PTPN18: variants seen among roughly 807,000 people sequenced by gnomAD.
PTPN18 encodes the protein tyrosine-protein phosphatase non-receptor type 18.
A neutral mutation model predicts 65.4 loss-of-function variants in PTPN18; 65 were observed. The ratio of observed to expected loss-of-function variants is 0.99; its 90% CI spans 0.81 to 1.22. PTPN18 has a LOEUF of 1.22. Ranked by LOEUF, PTPN18 falls within the 50% of genes most tolerant of loss-of-function variation. PTPN18 has a pLI of 0.00. For synonymous variants in PTPN18, 255 were observed against 267.8 expected (o/e 0.95, Z 0.47); for missense variants, 616 against 646.5 (o/e 0.95, Z 0.51).
chr2:130,366,747 C>T (rs1680397083), intron 5 of PTPN18, among the ~76,000 whole-genome samples: 1 of 152,106 alleles, frequency 6.6e-6, no homozygotes, highest in South Asian at 2.1e-4. Context: ...TTACATTTAG[C>T]CACTTACTTT....
At position 130,372,373 on chromosome 2, in the gene PTPN18, G is replaced by C; in HGVS notation, c.1130G>C (p.Gly377Ala). The C allele has an allele frequency of 7.3e-7, 1 of 1,364,910 alleles. No homozygotes were observed. The highest frequency in any genetic ancestry group is 2.7e-4 in the Middle Eastern group (1 of 3,710). 84.5% of individuals were successfully genotyped at this position (1,364,910 alleles called of 1,614,324 possible). A position where few individuals can be genotyped will look rare whatever the true frequency, so the allele number is the denominator to read the frequency against. The change falls in exon 13 of 15, where the codon GGG (glycine) becomes GCG (alanine). Residue 377 changes from glycine to alanine, a missense_variant. This residue lies in a region of PTPN18 where 368 missense variants were observed against 386.7 expected (regional missense o/e 0.95). Coordinates refer to ENST00000175756, the MANE Select transcript of PTPN18 (RefSeq NM_014369.4). ...GGGACGCAGACGGGGACGGGGACGG[G>C]GACGGGGGCGCGCAGCGCGGAGGAG... is the stretch of plus-strand genomic sequence containing the variant. ...GSGTQTGTGT[G>A]TGARSAEEAP...
rs1680690223 is a variant in PTPN18 at position 130,374,732 on chromosome 2, G to A, written c.*1508G>A. On this transcript the variant is annotated 3_prime_UTR_variant, in exon 15 of 15. Coordinates refer to ENST00000175756, the MANE Select transcript of PTPN18 (RefSeq NM_014369.4). Reference sequence around the variant, plus strand: ...TGTATGCACTGCCACAGTGCCCTGGGCCCCATGTCCACCCCTGTCCTGCCC... The same window carrying A: ...TGTATGCACTGCCACAGTGCCCTGGACCCCATGTCCACCCCTGTCCTGCCC... 2.1e-6 allele frequency: 1 copy of A among 469,792 alleles called. No homozygotes were observed. Among genetic ancestry groups the A allele is most frequent in the Non-Finnish European group, 4.4e-6 (1 of 226,982 alleles). 29.1% of individuals were successfully genotyped at this position (469,792 alleles called of 1,614,324 possible).
chr2:130,371,895 G>A, intron 12 of PTPN18: 2 of 243,722 alleles, frequency 8.2e-6, no homozygotes, highest in South Asian at 2.4e-4. Flanking sequence ...CTGCGGACAT[G>A]GGATTGAGCC....
intron 1 of PTPN18, 64 bp downstream of exon 1, chr2:130,356,264 C>G: frequency 8.5e-7 from 1 of 1,171,618 alleles, no homozygotes; most frequent in Non-Finnish European, 1.1e-6. Context: ...CGCCTGTCCT[C>G]CGCGCACGGC....
chr2:130,356,134 G>C lies in PTPN18; in HGVS notation c.27G>C (p.Arg9=). MSRSLDSA[R]SFLERLEARG... ...TGAGCCGCAGCCTGGACTCGGCGCG[G>C]AGCTTCCTGGAGCGGCTGGAAGCGC... Residue 9 remains arginine (R), a synonymous_variant, in exon 1 of 15, where the codon CGG becomes CGC. Coordinates refer to ENST00000175756, the MANE Select transcript of PTPN18 (RefSeq NM_014369.4). 1 of 1,309,836 alleles carries C rather than the reference G, an allele frequency of 7.6e-7. No homozygotes were observed. Among genetic ancestry groups the C allele is most frequent in the East Asian group, 3.1e-5 (1 of 31,880 alleles). 81.1% of individuals were successfully genotyped at this position (1,309,836 alleles called of 1,614,324 possible). A position where few individuals can be genotyped will look rare whatever the true frequency, so the allele number is the denominator to read the frequency against.
intron 5 of PTPN18, among the ~76,000 whole-genome samples, chr2:130,365,288 G>A (rs1184214762): frequency 1.3e-5 from 2 of 152,152 alleles, no homozygotes; most frequent in Non-Finnish European, 2.9e-5. Context: ...TCATTATGTG[G>A]CATATGACAA....
Position 130,373,330 on chromosome 2 carries a change from G to T in PTPN18, c.*106G>T. ...ATGGAAACAGTGGGCCTGGATCAAAGTTAAAGTTTCTCAGGGTGGGAAATG... is the reference window on the plus strand; with the variant it reads ...ATGGAAACAGTGGGCCTGGATCAAATTTAAAGTTTCTCAGGGTGGGAAATG... On this transcript the variant is annotated 3_prime_UTR_variant, in exon 15 of 15. Coordinates refer to ENST00000175756, the MANE Select transcript of PTPN18 (RefSeq NM_014369.4). The surrounding 1 kb of genome is among the most constrained non-coding windows in gnomAD (Gnocchi z 4.1). The T allele has an allele frequency of 8.4e-7, 1 of 1,192,758 alleles. No individual in the cohort carries two copies. 73.9% of individuals were successfully genotyped at this position (1,192,758 alleles called of 1,614,324 possible).
chr2:130,371,150 G>T, intron 11 of PTPN18, 49 bp from the exon 12 acceptor site: 1 of 1,508,576 alleles, frequency 6.6e-7, no homozygotes, highest in East Asian at 2.3e-5. Flanking sequence ...CCCTTGAGAG[G>T]CCTGGCCAGC....
chr2:130,370,749 G>A lies in PTPN18; in HGVS notation c.801G>A (p.Met267Ile). 4 of 1,614,230 alleles carry A rather than the reference G, an allele frequency of 2.5e-6. No homozygotes were observed. Among genetic ancestry groups the A allele is most frequent in the Non-Finnish European group, 3.4e-6 (4 of 1,180,036 alleles). Residue 267 changes from methionine (M) to isoleucine (I), a missense_variant, in exon 10 of 15, where the codon ATG becomes ATA. Around this residue, in one of 3 missense-constraint regions of PTPN18, gnomAD observed 368 missense variants for 386.7 expected, o/e 0.95. Coordinates refer to ENST00000175756, the MANE Select transcript of PTPN18 (RefSeq NM_014369.4). ...DFSLFDVVLK[M>I]RKQRPAAVQT... The stretch of plus-strand genomic sequence containing the variant: ...GTCTCTTTGATGTGGTCCTTAAGAT[G>A]AGGAAGCAGCGGCCTGCGGCCGTGC...
Position 130,371,043 on chromosome 2 carries a change from CG to C in PTPN18, c.924+82del, listed in dbSNP as rs2104951362. ...AGGACCCCGAGCAGGGTCCAGCCCC[CG>C]GGACTACTGGGAGCAGGCACTGACT... is the stretch of plus-strand genomic sequence containing the variant. On this transcript the variant is annotated intron_variant, in intron 11 of 14. Coordinates refer to ENST00000175756, the MANE Select transcript of PTPN18 (RefSeq NM_014369.4). The C allele has an allele frequency of 2.7e-6, 4 of 1,482,440 alleles. No individual in the cohort carries two copies. The South Asian group carries it at 3.6e-5, about 13-fold the overall frequency. The allele number at this position is 1,482,440 out of a possible 1,614,324, so 91.8% of individuals were successfully genotyped here.
rs10172233 is a variant in PTPN18, at chr2:130,372,758, C to T, written c.1241-115C>T. The T allele has an allele frequency of 2.0e-3, 2,562 of 1,301,806 alleles. 43 individuals are homozygous for T. The African/African-American group carries it at 0.031, about 16-fold the overall frequency. The allele number at this position is 1,301,806 out of a possible 1,614,324, so 80.6% of individuals were successfully genotyped here. ...GTCCGGGGTGTGTGCCTTCTCCCGC[C>T]CGGCGCCCTCGGCTCTCCCCTTCGG... On this transcript the variant is annotated intron_variant, in intron 13 of 14. Transcript: ENST00000175756.
At position 130,370,872 on chromosome 2, in the gene PTPN18, C is replaced by G; in HGVS notation, c.835-3C>G. On this transcript the variant is annotated splice_region_variant and splice_polypyrimidine_tract_variant and intron_variant, in intron 10 of 14. Coordinates refer to ENST00000175756, the MANE Select transcript of PTPN18 (RefSeq NM_014369.4). ...CCTTCTTGATGGTCCCTCACCCCAACAGGAGCAGTACAGGTTCCTGTACCA... is the reference window on the plus strand; with the variant it reads ...CCTTCTTGATGGTCCCTCACCCCAAGAGGAGCAGTACAGGTTCCTGTACCA... The G allele has an allele frequency of 6.2e-7, 1 of 1,614,088 alleles. No homozygotes were observed. The highest frequency in any genetic ancestry group is 2.2e-5 in the East Asian group (1 of 44,872).
chr2:130,374,722 A>G lies in PTPN18; in HGVS notation c.*1498A>G. On this transcript the variant is annotated 3_prime_UTR_variant, in exon 15 of 15. Transcript: ENST00000175756. ...CCCAGGTCCCTGTATGCACTGCCACAGTGCCCTGGGCCCCATGTCCACCCC... is the reference window on the plus strand; with the variant it reads ...CCCAGGTCCCTGTATGCACTGCCACGGTGCCCTGGGCCCCATGTCCACCCC... 2.1e-6 allele frequency: 1 copy of G among 470,414 alleles called. No homozygotes were observed. Among genetic ancestry groups the G allele is most frequent in the Non-Finnish European group, 4.4e-6 (1 of 227,036 alleles). 29.1% of individuals were successfully genotyped at this position (470,414 alleles called of 1,614,324 possible).
rs1481904333 is a variant in PTPN18 at position 130,374,115 on chromosome 2, G to A, written c.*891G>A. 1 of 152,810 alleles carries A rather than the reference G, an allele frequency of 6.5e-6. No homozygotes were observed. Among genetic ancestry groups the A allele is most frequent in the African/African-American group, 2.4e-5 (1 of 41,406 alleles). 9.5% of individuals were successfully genotyped at this position (152,810 alleles called of 1,614,324 possible). A position where few individuals can be genotyped will look rare whatever the true frequency, so the allele number is the denominator to read the frequency against. On this transcript the variant is annotated 3_prime_UTR_variant, in exon 15 of 15. Transcript: ENST00000175756. ...CAGCCGGCCAGACTCTCATCTTGAT[G>A]TCTTGATGGATGGACCCCAGCTAGT...
chr2:130,356,579 G>A (rs1451175642), intron 1 of PTPN18: 1 of 486,590 alleles, frequency 2.1e-6, no homozygotes, highest in African/African-American at 2.0e-5. Flanking sequence ...CTGGCGACCT[G>A]ACTGTCCCCT....
chr2:130,374,667 T>G lies in PTPN18; in HGVS notation c.*1443T>G, dbSNP rs1235752699. On this transcript the variant is annotated 3_prime_UTR_variant, in exon 15 of 15. Coordinates refer to ENST00000175756, the MANE Select transcript of PTPN18 (RefSeq NM_014369.4). ...GGGTCCCGCCCCTCTCACTTTCAGG[T>G]CTCTGGACCTCTGACTGACACTGTG... 2.1e-6 allele frequency: 1 copy of G among 471,448 alleles called. No homozygotes were observed. Among genetic ancestry groups the G allele is most frequent in the Non-Finnish European group, 4.4e-6 (1 of 227,114 alleles). 29.2% of individuals were successfully genotyped at this position (471,448 alleles called of 1,614,324 possible). A position where few individuals can be genotyped will look rare whatever the true frequency, so the allele number is the denominator to read the frequency against.
chr2:130,371,265 C>T lies in PTPN18; in HGVS notation c.991C>T (p.Arg331Cys), dbSNP rs375251896. The T allele has an allele frequency of 3.7e-5, 60 of 1,606,514 alleles. No homozygotes were observed. Among genetic ancestry groups the T allele is most frequent in the Admixed American group, 1.0e-4 (6 of 59,954 alleles). ...RTPQALLAIP[R>C]PPGGVLRSIS... ...TCCCCAGGCACTTCTCGCCATACCC[C>T]GCCCACCAGGAGGGGTCCTCAGGTA... is the stretch of plus-strand genomic sequence containing the variant. The change falls in exon 12 of 15, where the codon CGC becomes TGC. Residue 331 changes from arginine to cysteine, a missense_variant. By Grantham distance (180) the Arg-to-Cys change is radical. Around this residue, in one of 3 missense-constraint regions of PTPN18, gnomAD observed 368 missense variants for 386.7 expected, o/e 0.95. Transcript: ENST00000175756.
In PTPN18 at chr2:130,374,721, C is replaced by A. The variant is rs1680687502; in HGVS notation, c.*1497C>A. On this transcript the variant is annotated 3_prime_UTR_variant, in exon 15 of 15. Transcript: ENST00000175756. ...GCCCAGGTCCCTGTATGCACTGCCA[C>A]AGTGCCCTGGGCCCCATGTCCACCC... The A allele has an allele frequency of 2.1e-6, 1 of 470,532 alleles. No individual in the cohort carries two copies. The highest frequency in any genetic ancestry group is 2.0e-5 in the African/African-American group (1 of 50,054). 29.1% of individuals were successfully genotyped at this position (470,532 alleles called of 1,614,324 possible).
intron 5 of PTPN18, among the ~76,000 whole-genome samples, chr2:130,367,670 C>CA (rs202093192): frequency 3.3e-5 from 5 of 151,180 alleles, no homozygotes; most frequent in African/African-American, 1.2e-4. Flanking sequence ...GCAAGGGTCT[C>CA]AAAAAAAAAT....
Sources: allele counts gnomAD v4.1 joint callset (sites outside exome capture counted in the v4.1 genomes callset), GRCh38; gene constraint gnomAD v4.1.1; regional missense constraint gnomAD v4.1.1; non-coding constraint Gnocchi (gnomAD v3.1); transcripts MANE v1.5; gene names NCBI Gene and HGNC (gene_info 2026-07-23, HGNC 2026-07-21).